Variants in DPP10 observed in about 807,000 individuals in gnomAD.
DPP10 encodes the protein dipeptidyl peptidase like 10, also known as inactive dipeptidyl peptidase 10.
Under a neutral mutation model 120.9 loss-of-function variants are expected in DPP10, and 33 were observed. The ratio of observed to expected loss-of-function variants is 0.27; its 90% CI spans 0.21 to 0.37. The LOEUF is 0.37. Among genes scored for constraint, DPP10 ranks in the 10% least tolerant of loss-of-function variants. The pLI, the probability that DPP10 is intolerant of heterozygous loss-of-function variation, is 1.00. For missense variants in DPP10, 816 were observed against 942.8 expected, an observed-to-expected ratio of 0.87 and a Z score of 1.76; for synonymous variants, 337 against 326.1, an observed-to-expected ratio of 1.03 and a Z score of -0.36.
intron 5 of DPP10, among the ~76,000 whole-genome samples, chr2:115,682,010 A>T (rs1248111380): frequency 6.6e-6 from 1 of 151,802 alleles, no homozygotes; most frequent in African/African-American, 2.4e-5. Flanking sequence ...TGAAACAATA[A>T]TTTTCATCCT....
At chr2:114,784,393 G>A (rs938664276) in intron 1 of DPP10, among the ~76,000 whole-genome samples, 1 of 152,116 alleles carries the variant, frequency 6.6e-6, no homozygotes, top group African/African-American at 2.4e-5. Context: ...TCTTTAAAAA[G>A]AGGTAGGTTT....
In DPP10 at chr2:114,732,451, T is replaced by C. The variant is rs77910641; in HGVS notation, c.60+289613T>C. Among the ~76,000 whole-genome samples, 1,424 of 152,286 alleles carry C rather than the reference T, an allele frequency of 9.4e-3. 22 individuals carry two copies. Among genetic ancestry groups the C allele is most frequent in the African/African-American group, 0.032 (1,341 of 41,544 alleles). ...CAGACCAAATGAGTTCACATGGCTT[T>C]GGCACACACTGTGTGGGGATTGGGG... On this transcript the variant is annotated intron_variant, in intron 1 of 25. Transcript: ENST00000410059.
intron 1 of DPP10, among the ~76,000 whole-genome samples, chr2:114,620,027 A>G (rs1693977347): frequency 6.6e-6 from 1 of 152,004 alleles, no homozygotes; most frequent in African/African-American, 2.4e-5. Context: ...AAAAGGTCCT[A>G]AAAATCTCGG....
chr2:114,879,171 C>T (rs1338837019), intron 1 of DPP10, among the ~76,000 whole-genome samples: 1 of 151,446 alleles, frequency 6.6e-6, no homozygotes, highest in Non-Finnish European at 1.5e-5. Context: ...ATTTGTCTCC[C>T]TCCCTACTTC....
intron 5 of DPP10, among the ~76,000 whole-genome samples, chr2:115,587,589 A>G (rs567622335): frequency 1.1e-3 from 160 of 152,308 alleles, no homozygotes; most frequent in African/African-American, 3.7e-3. Flanking sequence ...GTTCTTTGCA[A>G]TCTCATATTT....
intron 5 of DPP10, among the ~76,000 whole-genome samples, chr2:115,543,047 A>G (rs1426897301): frequency 6.6e-6 from 1 of 151,990 alleles, no homozygotes; most frequent in Non-Finnish European, 1.5e-5. Context: ...CATATATTCT[A>G]TTACTTTTCA....
chr2:115,663,467 T>C (rs1426909699), intron 5 of DPP10, among the ~76,000 whole-genome samples: 1 of 152,206 alleles, frequency 6.6e-6, no homozygotes, highest in Admixed American at 6.5e-5. Context: ...GGAAGACATC[T>C]TTAAAAGGTA....
intron 1 of DPP10, among the ~76,000 whole-genome samples, chr2:114,736,405 G>T (rs888913767): frequency 2.0e-5 from 3 of 152,100 alleles, no homozygotes; most frequent in African/African-American, 7.2e-5. Flanking sequence ...AGCATCTGAT[G>T]AATGAAGGAA....
intron 1 of DPP10, among the ~76,000 whole-genome samples, chr2:114,905,266 G>A (rs1693872618): frequency 6.6e-6 from 1 of 151,832 alleles, no homozygotes; most frequent in South Asian, 2.1e-4. Context: ...TTTGGGTGGG[G>A]GGAGTGGGTA....
intron 5 of DPP10, among the ~76,000 whole-genome samples, chr2:115,650,029 G>A (rs1477790964): frequency 1.3e-5 from 2 of 152,086 alleles, no homozygotes; most frequent in Non-Finnish European, 2.9e-5. Flanking sequence ...AAAAAAAAGA[G>A]AGAGACTGAA....
chr2:114,845,043 A>G (rs1448465648), intron 1 of DPP10, among the ~76,000 whole-genome samples: 1 of 152,174 alleles, frequency 6.6e-6, no homozygotes, highest in Admixed American at 6.6e-5. Context: ...TTTAAAAGGC[A>G]GGATTGAAAC....
rs138482819 is a variant in DPP10, at chr2:114,617,899, A to G, written c.60+175061A>G. Among the ~76,000 whole-genome samples the G allele has an allele frequency of 3.1e-3, 474 of 152,250 alleles. 2 individuals are homozygous for G. Among genetic ancestry groups the G allele is most frequent in the African/African-American group, 0.011 (451 of 41,562 alleles). On this transcript the variant is annotated intron_variant, in intron 1 of 25. Coordinates refer to ENST00000410059, the MANE Select transcript of DPP10 (RefSeq NM_020868.6). Reference sequence around the variant, plus strand: ...ATTAGTTGATTAAATCAGTCCAGGCAGTACCCACTTGAAGCAATCATGAAG... The same window carrying G: ...ATTAGTTGATTAAATCAGTCCAGGCGGTACCCACTTGAAGCAATCATGAAG...
At chr2:115,470,399 A>G (rs937741980) in intron 3 of DPP10, among the ~76,000 whole-genome samples, 4 of 152,130 alleles carry the variant, frequency 2.6e-5, no homozygotes, top group Admixed American at 1.3e-4. Context: ...ATCCTGGACC[A>G]GGGTTTCATG....
chr2:114,892,810 A>G (rs757308957), intron 1 of DPP10, among the ~76,000 whole-genome samples: 1 of 152,110 alleles, frequency 6.6e-6, no homozygotes, highest in Non-Finnish European at 1.5e-5. Context: ...TTTTATGTGG[A>G]CAAGCCTCTT....
In DPP10 at chr2:115,576,035, C is replaced by T. The variant is rs145510432; in HGVS notation, c.441+50063C>T. 3.9e-5 allele frequency among the ~76,000 whole-genome samples: 6 copies of T among 152,304 alleles called. No homozygotes were observed. In the East Asian group the frequency reaches 1.2e-3, roughly 29 times the overall value. On this transcript the variant is annotated intron_variant, in intron 5 of 25. Coordinates refer to ENST00000410059, the MANE Select transcript of DPP10 (RefSeq NM_020868.6). ...CCTTAGAGCCCCTAGAAGGCCTCCTCACTGTCATCTTTATTTTATTCTTCT... is the reference window on the plus strand; with the variant it reads ...CCTTAGAGCCCCTAGAAGGCCTCCTTACTGTCATCTTTATTTTATTCTTCT...
chr2:114,606,756 T>C (rs1230076450), intron 1 of DPP10, among the ~76,000 whole-genome samples: 1 of 152,200 alleles, frequency 6.6e-6, no homozygotes, highest in Non-Finnish European at 1.5e-5. Context: ...TTATAAATTT[T>C]GTCGCATTTC....
chr2:115,082,194 A>G (rs1708328485), intron 1 of DPP10, among the ~76,000 whole-genome samples: 1 of 152,186 alleles, frequency 6.6e-6, no homozygotes, highest in African/African-American at 2.4e-5. Flanking sequence ...TAACAGTAAG[A>G]GTATTAGGTT....
intron 19 of DPP10, among the ~76,000 whole-genome samples, chr2:115,810,161 C>T (rs1405619707): frequency 7.1e-6 from 1 of 140,092 alleles, no homozygotes; most frequent in Non-Finnish European, 1.5e-5. Flanking sequence ...GACTCCATCT[C>T]GAAAAAAAAA....
In DPP10 at chr2:115,786,516, A is replaced by T. The variant is rs143674096; in HGVS notation, c.1531+4117A>T. ...CCCTTGTTTCCTTTAATAATAATAA[A>T]AAAAAAGAGTAAAGAAAACTGGACA... is the stretch of plus-strand genomic sequence containing the variant. On this transcript the variant is annotated intron_variant, in intron 17 of 25. Coordinates refer to ENST00000410059, the MANE Select transcript of DPP10 (RefSeq NM_020868.6). Among the ~76,000 whole-genome samples the T allele has an allele frequency of 3.9e-5, 6 of 152,278 alleles. No homozygotes were observed. In the South Asian group the frequency reaches 6.2e-4, roughly 16 times the overall value.
Sources: gnomAD v4.1 joint callset for allele counts (sites outside exome capture counted in the v4.1 genomes callset) on GRCh38, gnomAD v4.1.1 for gene constraint, MANE v1.5 for transcripts, NCBI Gene and HGNC (gene_info 2026-07-23, HGNC 2026-07-21) for gene names.